The following CHST9 variants were observed in gnomAD, a reference collection of about 807,000 sequenced individuals.
The protein encoded by CHST9 is GalNAc-4-sulfotransferase 2.
Under a neutral mutation model 44.4 loss-of-function variants are expected in CHST9, and 41 were observed. The observed-to-expected ratio is 0.92, with a 90% CI of 0.72 to 1.20. CHST9 has a LOEUF of 1.20. Among genes scored for constraint, CHST9 ranks in the 50% most tolerant of loss-of-function variants. CHST9 has a pLI of 0.00. For missense variants in CHST9, 504 were observed against 516.5 expected, an observed-to-expected ratio of 0.98 and a Z score of 0.23; for synonymous variants, 171 against 178.4, an observed-to-expected ratio of 0.96 and a Z score of 0.33.
Position 26,917,107 on chromosome 18 carries a change from A to C in CHST9, c.484T>G (p.Leu162Val). The change falls in exon 6 of 6, where the codon TTA becomes GTA. Residue 162 changes from leucine (L) to valine (V), a missense_variant. By Grantham distance (32) the Leu-to-Val change is conservative (BLOSUM62 1). Transcript: ENST00000618847. ...TTCTTCCATTTATTATCTTTGACTA[A>C]ACTTTTGTTTAAAGGGTGAATGTCC... ...PVDIHPLNKS[L>V]VKDNKWKKTE... The C allele has an allele frequency of 1.2e-6, 2 of 1,613,878 alleles. No individual in the cohort carries two copies. The highest frequency in any genetic ancestry group is 1.7e-6 in the Non-Finnish European group (2 of 1,179,872).
At chr18:26,991,796 C>A (rs1229291285) in intron 4 of CHST9, among the ~76,000 whole-genome samples, 1 of 126,798 alleles carries the variant, frequency 7.9e-6, no homozygotes, top group Non-Finnish European at 1.8e-5. Flanking sequence ...TAAGACCTGA[C>A]CACTGGATCT....
intron 4 of CHST9, among the ~76,000 whole-genome samples, chr18:26,958,454 A>C (rs2145146018): frequency 6.9e-6 from 1 of 145,860 alleles, no homozygotes; most frequent in African/African-American, 2.8e-5. Context: ...CTCAAAAGTA[A>C]CTGCAAAAAA....
chr18:26,956,399 C>CTA (rs66622848), intron 4 of CHST9, among the ~76,000 whole-genome samples: 3,577 of 143,648 alleles, frequency 0.025, 72 homozygotes, highest in Non-Finnish European at 0.039. Flanking sequence ...ATAATTATAT[C>CTA]TATATATATA....
intron 4 of CHST9, among the ~76,000 whole-genome samples, chr18:27,007,884 G>A (rs890712367): frequency 6.6e-6 from 1 of 152,194 alleles, no homozygotes; most frequent in African/African-American, 2.4e-5. Flanking sequence ...CTAAGGAAAA[G>A]AGCTGTATCT....
chr18:27,022,241 T>C (rs1426038690), intron 4 of CHST9, among the ~76,000 whole-genome samples: 1 of 152,162 alleles, frequency 6.6e-6, no homozygotes, highest in Non-Finnish European at 1.5e-5. Flanking sequence ...CCCATGCTTG[T>C]TCACAGTATA....
intron 4 of CHST9, among the ~76,000 whole-genome samples, chr18:26,961,501 C>G (rs1248645884): frequency 6.6e-6 from 1 of 152,004 alleles, no homozygotes; most frequent in Non-Finnish European, 1.5e-5. Context: ...GCAATCATAG[C>G]TCACTGCAGC....
At chr18:27,118,086 A>G (rs759107912) in intron 2 of CHST9, among the ~76,000 whole-genome samples, 6 of 152,194 alleles carry the variant, frequency 3.9e-5, no homozygotes, top group Non-Finnish European at 5.9e-5. Context: ...TTGGCCATTC[A>G]GTGGGTATGC....
chr18:27,136,021 T>C (rs1243098302), intron 2 of CHST9, among the ~76,000 whole-genome samples: 1 of 152,132 alleles, frequency 6.6e-6, no homozygotes, highest in East Asian at 1.9e-4. Context: ...CACAGAAATC[T>C]TGTTGGAAAT....
At chr18:26,933,990 T>A (rs1438832306) in intron 5 of CHST9, among the ~76,000 whole-genome samples, 4 of 152,146 alleles carry the variant, frequency 2.6e-5, no homozygotes, top group African/African-American at 9.7e-5. Context: ...CAGAGCGTTT[T>A]GAACATGGCC....
At chr18:26,968,427 C>T (rs1315899676) in intron 4 of CHST9, among the ~76,000 whole-genome samples, 2 of 152,116 alleles carry the variant, frequency 1.3e-5, no homozygotes, top group Non-Finnish European at 2.9e-5. Context: ...TGAGTGAGGT[C>T]GGTGCTTTTA....
chr18:26,996,332 G>A (rs367651008), intron 4 of CHST9, among the ~76,000 whole-genome samples: 160 of 152,260 alleles, frequency 1.1e-3, no homozygotes, highest in African/African-American at 3.7e-3. Context: ...CAAATCCCAC[G>A]TTGAAAGGTA....
chr18:26,944,304 G>C, intron 5 of CHST9, 25 bp downstream of exon 5: 1 of 1,573,906 alleles, frequency 6.4e-7, no homozygotes, highest in Non-Finnish European at 8.7e-7. Flanking sequence ...TTCTATATTA[G>C]AGTTTACGAG....
intron 4 of CHST9, among the ~76,000 whole-genome samples, chr18:27,006,373 C>T (rs1397682674): frequency 1.3e-5 from 2 of 152,130 alleles, no homozygotes; most frequent in African/African-American, 4.8e-5. Flanking sequence ...TTCCAATGAA[C>T]TTGATACAAA....
intron 5 of CHST9, among the ~76,000 whole-genome samples, chr18:26,927,562 A>G (rs1475578126): frequency 1.3e-5 from 2 of 152,088 alleles, no homozygotes; most frequent in Non-Finnish European, 2.9e-5. Flanking sequence ...CAAGGTAAAG[A>G]AAAAGGTGCT....
chr18:27,040,262 T>C (rs762290484), intron 3 of CHST9, among the ~76,000 whole-genome samples: 6 of 152,128 alleles, frequency 3.9e-5, no homozygotes, highest in Non-Finnish European at 8.8e-5. Context: ...TGGAAAGATG[T>C]TCAAAGAAAG....
intron 4 of CHST9, among the ~76,000 whole-genome samples, chr18:26,956,934 G>T (rs1361370588): frequency 1.3e-5 from 2 of 152,140 alleles, no homozygotes; most frequent in East Asian, 1.9e-4. Context: ...TCACTTTAAA[G>T]GAATTTTAAT....
At chr18:27,055,737 A>C (rs781015044) in intron 2 of CHST9, among the ~76,000 whole-genome samples, 32 of 152,212 alleles carry the variant, frequency 2.1e-4, no homozygotes, top group African/African-American at 7.0e-4. Flanking sequence ...GATACATAAA[A>C]TCCACCTCAA....
intron 4 of CHST9, among the ~76,000 whole-genome samples, chr18:27,007,251 G>A (rs895741974): frequency 6.6e-6 from 1 of 152,194 alleles, no homozygotes; most frequent in African/African-American, 2.4e-5. Context: ...TGGTGGCTGA[G>A]AGAGAAAGAC....
At chr18:26,929,983 T>C (rs1200530255) in intron 5 of CHST9, among the ~76,000 whole-genome samples, 1 of 152,148 alleles carries the variant, frequency 6.6e-6, no homozygotes, top group Non-Finnish European at 1.5e-5. Flanking sequence ...GCGAGAGTAG[T>C]AGGGGCACTG....
Sources: allele counts gnomAD v4.1 joint callset (sites outside exome capture counted in the v4.1 genomes callset), GRCh38; gene constraint gnomAD v4.1.1; transcripts MANE v1.5; gene names NCBI Gene and HGNC (gene_info 2026-07-23, HGNC 2026-07-21).